Variants in ADAMTSL1 observed in about 807,000 individuals in gnomAD.
The protein encoded by ADAMTSL1 is ADAMTS-like protein 1.
A neutral mutation model predicts 201.8 loss-of-function variants in ADAMTSL1; 126 were observed. The ratio of observed to expected loss-of-function variants is 0.62; its 90% CI spans 0.54 to 0.72. The LOEUF is 0.72. ADAMTSL1 is among the 30% of genes least tolerant of loss of function. ADAMTSL1 has a pLI of 0.00. For synonymous variants in ADAMTSL1, 1,121 were observed against 903.4 expected (o/e 1.24, Z -4.32); for missense variants, 2,679 against 2,277.8 (o/e 1.18, Z -3.59).
intron 1 of ADAMTSL1, among the ~76,000 whole-genome samples, chr9:17,988,014 A>G (rs1011274696): frequency 3.3e-5 from 5 of 152,092 alleles, no homozygotes; most frequent in African/African-American, 1.2e-4. Flanking sequence ...AGTAATTGCA[A>G]AAGTACACTC....
chr9:18,222,946 A>T lies in ADAMTSL1; in HGVS notation c.207+58965A>T, dbSNP rs1181109582. 2.6e-5 allele frequency among the ~76,000 whole-genome samples: 4 copies of T among 151,976 alleles called. No individual in the cohort carries two copies. In the East Asian group the frequency reaches 7.7e-4, roughly 29 times the overall value. ...CTGCCAGTGTAATTTTTGTATCTGT[A>T]TAGATAATCTGTCTTTTCTGTCTGC... On this transcript the variant is annotated intron_variant, in intron 2 of 29. Transcript: ENST00000680146.
At chr9:18,065,157 C>G (rs1822638146) in intron 1 of ADAMTSL1, among the ~76,000 whole-genome samples, 1 of 151,854 alleles carries the variant, frequency 6.6e-6, no homozygotes. Flanking sequence ...ATGTTTAACT[C>G]CAAAACATGA....
At chr9:18,155,889 T>A (rs1322106575) in intron 1 of ADAMTSL1, among the ~76,000 whole-genome samples, 1 of 151,968 alleles carries the variant, frequency 6.6e-6, no homozygotes, top group Non-Finnish European at 1.5e-5. Flanking sequence ...AAGATAAGAT[T>A]AGGAATACAA....
intron 1 of ADAMTSL1, among the ~76,000 whole-genome samples, chr9:18,063,187 G>A (rs1291731298): frequency 6.6e-6 from 1 of 151,980 alleles, no homozygotes; most frequent in Non-Finnish European, 1.5e-5. Flanking sequence ...TTAAAAAAAC[G>A]TTTTTAAAAA....
rs565572546 is a variant in ADAMTSL1 at position 18,007,230 on chromosome 9, A to T, written c.87+100308A>T. 3.7e-4 allele frequency among the ~76,000 whole-genome samples: 56 copies of T among 152,146 alleles called. No individual in the cohort carries two copies. The South Asian group carries it at 0.011, about 30-fold the overall frequency. On this transcript the variant is annotated intron_variant, in intron 1 of 29. Transcript: ENST00000680146. ...ACAAATTGCAGTAGCACCTCATGGA[A>T]CATTGGTATTTTGTGGAACACAGCT... is the stretch of plus-strand genomic sequence containing the variant.
At chr9:18,835,042 A>G (rs1469148057) in intron 23 of ADAMTSL1, among the ~76,000 whole-genome samples, 1 of 152,170 alleles carries the variant, frequency 6.6e-6, no homozygotes, top group African/African-American at 2.4e-5. Flanking sequence ...AGAAACAGCC[A>G]AACTGTTTTC....
chr9:18,600,745 A>T (rs1348634369), intron 4 of ADAMTSL1, among the ~76,000 whole-genome samples: 3 of 152,206 alleles, frequency 2.0e-5, no homozygotes, highest in Admixed American at 6.5e-5. Context: ...TGCCACATTA[A>T]AGGCTTTAAA....
intron 2 of ADAMTSL1, among the ~76,000 whole-genome samples, chr9:18,303,506 C>T (rs1349365250): frequency 1.3e-5 from 2 of 152,170 alleles, no homozygotes; most frequent in Admixed American, 1.3e-4. Context: ...AGCCCAAGGC[C>T]ATGAGCGGGC....
chr9:18,224,103 T>C (rs1830357986), intron 2 of ADAMTSL1, among the ~76,000 whole-genome samples: 1 of 152,170 alleles, frequency 6.6e-6, no homozygotes, highest in Non-Finnish European at 1.5e-5. Context: ...CAGAGATTTT[T>C]CCTGCTTCAA....
rs1819032134 is a variant in ADAMTSL1, at chr9:18,422,997, G to A, written c.208-81832G>A. Among the ~76,000 whole-genome samples, 5 of 152,226 alleles carry A rather than the reference G, an allele frequency of 3.3e-5. No individual in the cohort carries two copies. In the South Asian group the frequency reaches 6.2e-4, roughly 19 times the overall value. The stretch of plus-strand genomic sequence containing the variant: ...TCCCACTTGCTTTCCAGACTTTGGT[G>A]TGTCCTGTGTGTAAGACCTTTGTAT... On this transcript the variant is annotated intron_variant, in intron 2 of 29. Coordinates refer to the ADAMTSL1 transcript ENST00000680146.
intron 9 of ADAMTSL1, among the ~76,000 whole-genome samples, chr9:18,666,032 A>C (rs1274599027): frequency 6.6e-6 from 1 of 152,138 alleles, no homozygotes; most frequent in Non-Finnish European, 1.5e-5. Flanking sequence ...TTGGCATTGA[A>C]TAATTTGGCA....
At chr9:18,850,271 T>G (rs1440217952) in intron 23 of ADAMTSL1, among the ~76,000 whole-genome samples, 1 of 152,152 alleles carries the variant, frequency 6.6e-6, no homozygotes, top group African/African-American at 2.4e-5. Context: ...GTGAATGAGT[T>G]TCATGTCCCT....
chr9:17,924,595 C>T (rs1306637804), intron 1 of ADAMTSL1, among the ~76,000 whole-genome samples: 5 of 149,126 alleles, frequency 3.4e-5, no homozygotes, highest in African/African-American at 1.2e-4. Flanking sequence ...GAAAAACAAG[C>T]AATGGGGAAA....
At chr9:18,787,586 T>G (rs1821778883) in intron 19 of ADAMTSL1, among the ~76,000 whole-genome samples, 1 of 152,150 alleles carries the variant, frequency 6.6e-6, no homozygotes, top group South Asian at 2.1e-4. Flanking sequence ...TTTTTCCATG[T>G]TATATGCCAG....
intron 2 of ADAMTSL1, among the ~76,000 whole-genome samples, chr9:18,510,415 A>G (rs12339807): frequency 0.36 from 54,962 of 152,010 alleles, 10,718 homozygotes; most frequent in South Asian, 0.47. Flanking sequence ...CACATTAAAT[A>G]TAAAAGCCTT....
intron 2 of ADAMTSL1, among the ~76,000 whole-genome samples, chr9:18,201,199 A>C (rs1829430482): frequency 6.6e-6 from 1 of 152,102 alleles, no homozygotes; most frequent in South Asian, 2.1e-4. Context: ...CAGAGAGTGA[A>C]ATTTGGTCCA....
intron 14 of ADAMTSL1, among the ~76,000 whole-genome samples, chr9:18,711,076 A>G (rs1187186117): frequency 6.6e-6 from 1 of 152,256 alleles, no homozygotes; most frequent in African/African-American, 2.4e-5. Context: ...GTGATGATCT[A>G]CAGCTGCAGA....
intron 2 of ADAMTSL1, among the ~76,000 whole-genome samples, chr9:18,360,134 G>T (rs971682585): frequency 2.6e-5 from 4 of 152,038 alleles, no homozygotes; most frequent in South Asian, 2.1e-4. Flanking sequence ...TTTACAGAAG[G>T]TTCCTGTGTC....
At chr9:18,765,975 AAT>A (rs992503754) in intron 16 of ADAMTSL1, among the ~76,000 whole-genome samples, 92 of 152,164 alleles carry the variant, frequency 6.0e-4, no homozygotes, top group African/African-American at 2.1e-3. Flanking sequence ...CTAAGAGAAG[AAT>A]GGTGCAGGTA....
Sources: gnomAD v4.1 joint callset for allele counts (sites outside exome capture counted in the v4.1 genomes callset) on GRCh38, gnomAD v4.1.1 for gene constraint, MANE v1.5 for transcripts, NCBI Gene and HGNC (gene_info 2026-07-23, HGNC 2026-07-21) for gene names.